The following FUBP1 variants were observed in gnomAD, a reference collection of about 807,000 sequenced individuals.
FUBP1 encodes far upstream element binding protein 1.
A neutral mutation model predicts 94.9 loss-of-function variants in FUBP1; 16 were observed. That is an observed-to-expected ratio of 0.17 (90% CI 0.11 to 0.26). The LOEUF is 0.26. FUBP1 is among the 10% of genes least tolerant of loss of function. FUBP1 has a pLI of 1.00. For missense variants in FUBP1, 583 were observed against 808.6 expected (o/e 0.72, Z 3.38); for synonymous variants, 279 against 254.9 (o/e 1.09, Z -0.90).
At chr1:77,963,958 A>T in intron 12 of FUBP1, 104 bp downstream of exon 12, 1 of 776,302 alleles carries the variant, frequency 1.3e-6, no homozygotes, top group Admixed American at 2.1e-5. Context: ...TCCATTAATA[A>T]AGCATCATCA....
At chr1:77,978,218 G>GT (rs1318606981) in intron 1 of FUBP1, among the ~76,000 whole-genome samples, 1 of 152,200 alleles carries the variant, frequency 6.6e-6, no homozygotes, top group Admixed American at 6.5e-5. Context: ...CACGCACTAC[G>GT]TAATACAAAG....
At chr1:77,952,075 A>G (rs1250266374) in intron 18 of FUBP1, among the ~76,000 whole-genome samples, 2 of 152,082 alleles carry the variant, frequency 1.3e-5, no homozygotes, top group Non-Finnish European at 2.9e-5. Context: ...AAAAACACCC[A>G]TCTTTACTGC....
chr1:77,959,304 C>T (rs1283294448), intron 16 of FUBP1, among the ~76,000 whole-genome samples: 1 of 151,970 alleles, frequency 6.6e-6, no homozygotes, highest in African/African-American at 2.4e-5. Context: ...AAGCAAACTA[C>T]AGGGTATGGA....
chr1:77,961,808 G>C (rs1284953164), intron 14 of FUBP1, among the ~76,000 whole-genome samples: 1 of 151,862 alleles, frequency 6.6e-6, no homozygotes, highest in Non-Finnish European at 1.5e-5. Context: ...TCATTTTTTT[G>C]CCATGGCATC....
At chr1:77,953,153 T>C (rs768440610) in intron 18 of FUBP1, among the ~76,000 whole-genome samples, 3 of 151,534 alleles carry the variant, frequency 2.0e-5, no homozygotes, top group South Asian at 2.1e-4. Flanking sequence ...CAACGAGATA[T>C]GCATGTGAAG....
intron 1 of FUBP1, among the ~76,000 whole-genome samples, chr1:77,977,316 C>T (rs1003084473): frequency 3.9e-5 from 6 of 152,064 alleles, no homozygotes; most frequent in Non-Finnish European, 5.9e-5. Flanking sequence ...CCAGCCTGGC[C>T]AGCATGGTGA....
At position 77,947,924 on chromosome 1, in the gene FUBP1, T is replaced by C. The variant is rs976547966; in HGVS notation, c.*842A>G. 1.4e-5 allele frequency: 14 copies of C among 982,564 alleles called. No individual in the cohort carries two copies. Among genetic ancestry groups the C allele is most frequent in the African/African-American group, 5.2e-5 (3 of 58,162 alleles). The allele number at this position is 982,564 out of a possible 1,614,324, so 60.9% of individuals were successfully genotyped here. A position where few individuals can be genotyped will look rare whatever the true frequency, so the allele number is the denominator to read the frequency against. Reference sequence around the variant, plus strand: ...ACTAACATTATATACATTGAAAGAGTTGCTTCACATGGAAAAAAACTGTTC... The same window carrying C: ...ACTAACATTATATACATTGAAAGAGCTGCTTCACATGGAAAAAAACTGTTC... On this transcript the variant is annotated 3_prime_UTR_variant, in exon 20 of 20. Transcript: ENST00000370768.
chr1:77,967,117 A>C lies in FUBP1; in HGVS notation c.291-16T>G. ...TACAGATCTGCTAAGAAATAACAGA[A>C]AGCACCATTTTCCTTCAATGAAAGA... On this transcript the variant is annotated splice_polypyrimidine_tract_variant and intron_variant, in intron 4 of 19. Transcript: ENST00000370768. 6.6e-7 allele frequency: 1 copy of C among 1,504,450 alleles called. No individual in the cohort carries two copies. The highest frequency in any genetic ancestry group is 9.1e-7 in the Non-Finnish European group (1 of 1,097,592). 93.2% of individuals were successfully genotyped at this position (1,504,450 alleles called of 1,614,324 possible). A position where few individuals can be genotyped will look rare whatever the true frequency, so the allele number is the denominator to read the frequency against.
rs1652141804 is a variant in FUBP1, at chr1:77,946,251, C to A, written c.*2515G>T. On this transcript the variant is annotated 3_prime_UTR_variant, in exon 20 of 20. Coordinates refer to ENST00000370768, the MANE Select transcript of FUBP1 (RefSeq NM_003902.5). The stretch of plus-strand genomic sequence containing the variant: ...CACTTCTATATTTGGGGAAAAAATA[C>A]AAAAAGATTTGGATGTAGTTCAATT... Among the ~76,000 whole-genome samples the A allele has an allele frequency of 6.7e-6, 1 of 150,282 alleles. No individual in the cohort carries two copies. The highest frequency in any genetic ancestry group is 6.6e-5 in the Admixed American group (1 of 15,068).
intron 18 of FUBP1, among the ~76,000 whole-genome samples, chr1:77,953,849 G>A (rs1653958439): frequency 6.6e-6 from 1 of 152,042 alleles, no homozygotes; most frequent in Admixed American, 6.5e-5. Context: ...AATCAATATG[G>A]TAAAATAAAG....
intron 18 of FUBP1, among the ~76,000 whole-genome samples, chr1:77,950,317 T>A (rs941771188): frequency 6.6e-6 from 1 of 152,064 alleles, no homozygotes; most frequent in African/African-American, 2.4e-5. Context: ...CCACCATGCC[T>A]AGCTGACATT....
chr1:77,968,364 T>A (rs1205034352), intron 2 of FUBP1, among the ~76,000 whole-genome samples, 161 bp from the exon 3 acceptor site: 1 of 152,022 alleles, frequency 6.6e-6, no homozygotes, highest in Non-Finnish European at 1.5e-5. Context: ...CTCAGTAATC[T>A]AAAAAAGAAA....
intron 18 of FUBP1, among the ~76,000 whole-genome samples, chr1:77,951,879 T>G (rs1046192669): frequency 6.6e-6 from 1 of 152,108 alleles, no homozygotes; most frequent in Non-Finnish European, 1.5e-5. Context: ...CTACCCTCCT[T>G]TAGGCTTAAG....
rs982364169 is a variant in FUBP1, at chr1:77,946,490, T to C, written c.*2276A>G. The C allele has an allele frequency of 5.0e-6, 1 of 201,028 alleles. No individual in the cohort carries two copies. Among genetic ancestry groups the C allele is most frequent in the Non-Finnish European group, 1.0e-5 (1 of 97,192 alleles). The allele number at this position is 201,028 out of a possible 1,614,324, so 12.5% of individuals were successfully genotyped here. A position where few individuals can be genotyped will look rare whatever the true frequency, so the allele number is the denominator to read the frequency against. On this transcript the variant is annotated 3_prime_UTR_variant, in exon 20 of 20. Transcript: ENST00000370768. ...ACCTCACAGGGACAACATTAATGTA[T>C]TGAAATATTTATTTATATATGTCCT...
At chr1:77,955,979 C>T (rs1162233038) in intron 17 of FUBP1, among the ~76,000 whole-genome samples, 2 of 152,130 alleles carry the variant, frequency 1.3e-5, no homozygotes, top group Non-Finnish European at 2.9e-5. Flanking sequence ...AAAAGAATGA[C>T]AGGTATTTCA....
Position 77,974,236 on chromosome 1 carries a change from C to T in FUBP1, c.121-4221G>A, listed in dbSNP as rs561672327. Reference sequence around the variant, plus strand: ...CTGCAAGCTCCACCTCCCGGGTTCACGCCATTCTCCTGCCTCAGTCTCCTG... The same window carrying T: ...CTGCAAGCTCCACCTCCCGGGTTCATGCCATTCTCCTGCCTCAGTCTCCTG... On this transcript the variant is annotated intron_variant, in intron 1 of 19. Transcript: ENST00000370768. Among the ~76,000 whole-genome samples the T allele has an allele frequency of 8.6e-5, 13 of 151,022 alleles. No homozygotes were observed. The East Asian group carries it at 1.4e-3, about 16-fold the overall frequency.
In FUBP1 at chr1:77,949,247, T is replaced by C. The variant is rs567186426; in HGVS notation, c.1834A>G (p.Ser612Gly). ...CTATAATACTCAGCCCAGGCTGCAC[T>C]ATAATCTGGCTGACCACCTGGAGGA... Reference protein sequence around the residue: ...GAPPGGQPDYSAAWAEYYRQQ... With the variant: ...GAPPGGQPDYGAAWAEYYRQQ... The change falls in exon 19 of 20, where the codon AGT becomes GGT. Residue 612 changes from serine to glycine, a missense_variant. Ser to Gly is a moderately conservative substitution (Grantham distance 56, BLOSUM62 0). Coordinates refer to ENST00000370768, the MANE Select transcript of FUBP1 (RefSeq NM_003902.5). 1.2e-6 allele frequency: 2 copies of C among 1,613,504 alleles called. No homozygotes were observed. The highest frequency in any genetic ancestry group is 1.1e-5 in the South Asian group (1 of 91,072).
chr1:77,944,893 T>C lies in FUBP1; in HGVS notation c.*3873A>G, dbSNP rs1651832414. Among the ~76,000 whole-genome samples, 1 of 151,940 alleles carries C rather than the reference T, an allele frequency of 6.6e-6. No individual in the cohort carries two copies. Among genetic ancestry groups the C allele is most frequent in the Admixed American group, 6.6e-5 (1 of 15,258 alleles). On this transcript the variant is annotated 3_prime_UTR_variant, in exon 20 of 20. Coordinates refer to ENST00000370768, the MANE Select transcript of FUBP1 (RefSeq NM_003902.5). ...ATACTTCTCATTTCTAAAAGAAACATCAAACCATAGAATTCTAAGTATCAC... is the reference window on the plus strand; with the variant it reads ...ATACTTCTCATTTCTAAAAGAAACACCAAACCATAGAATTCTAAGTATCAC...
intron 2 of FUBP1, 119 bp from the exon 3 acceptor site, chr1:77,968,322 T>C (rs1196417331): frequency 2.0e-5 from 13 of 658,656 alleles, no homozygotes; most frequent in Non-Finnish European, 3.0e-5. Flanking sequence ...TGGTTTATCA[T>C]TTGAACCAAA....
Sources: gnomAD v4.1 joint callset for allele counts (sites outside exome capture counted in the v4.1 genomes callset) on GRCh38, gnomAD v4.1.1 for gene constraint, MANE v1.5 for transcripts, NCBI Gene and HGNC (gene_info 2026-07-23, HGNC 2026-07-21) for gene names.